The following MEOX2 variants were observed in gnomAD, a reference collection of about 807,000 sequenced individuals.
The protein encoded by MEOX2 is homeobox protein MOX-2.
A neutral mutation model predicts 27.0 loss-of-function variants in MEOX2; 11 were observed. The ratio of observed to expected loss-of-function variants is 0.41; its 90% CI spans 0.26 to 0.68. The LOEUF (loss-of-function observed/expected upper bound fraction) is 0.68. Ranked by LOEUF, MEOX2 falls within the 30% of genes least tolerant of loss-of-function variation. The probability of loss-of-function intolerance (pLI) is 0.33; values close to 1 mark genes in which losing one functional copy is unlikely to be tolerated. For missense variants in MEOX2, 436 were observed against 385.4 expected (o/e 1.13, Z -1.10); for synonymous variants, 189 against 155.4 (o/e 1.22, Z -1.61).
chr7:15,637,128 G>GT (rs1200205764), intron 1 of MEOX2, among the ~76,000 whole-genome samples: 3 of 152,010 alleles, frequency 2.0e-5, no homozygotes, highest in Non-Finnish European at 2.9e-5. Context: ...AGTCTGAAAT[G>GT]TTTTTTAAAA....
intron 1 of MEOX2, among the ~76,000 whole-genome samples, chr7:15,667,487 A>T (rs1782028316): frequency 6.6e-6 from 1 of 151,680 alleles, no homozygotes; most frequent in Non-Finnish European, 1.5e-5. Context: ...GCTTCCAGAA[A>T]CCTCAAGGTG....
intron 1 of MEOX2, among the ~76,000 whole-genome samples, chr7:15,645,214 T>G (rs913470889): frequency 2.0e-5 from 3 of 152,200 alleles, no homozygotes; most frequent in African/African-American, 7.2e-5. Context: ...AATCTGACAA[T>G]CAATTCACCA....
chr7:15,628,261 G>A (rs1781347031), intron 1 of MEOX2, among the ~76,000 whole-genome samples: 1 of 151,958 alleles, frequency 6.6e-6, no homozygotes, highest in South Asian at 2.1e-4. Context: ...AACTAAAGAG[G>A]ACCCTGCATA....
chr7:15,668,132 G>A (rs567317853), intron 1 of MEOX2: 1 of 152,174 alleles, frequency 6.6e-6, no homozygotes, highest in African/African-American at 2.4e-5. Flanking sequence ...TTGAACAACA[G>A]GGGGTGGAAA....
At chr7:15,652,944 GCA>G (rs547854077) in intron 1 of MEOX2, among the ~76,000 whole-genome samples, 32 of 152,084 alleles carry the variant, frequency 2.1e-4, no homozygotes, top group African/African-American at 7.7e-4. Context: ...GGATATTCAT[GCA>G]CAGATATTTG....
At chr7:15,666,901 A>C (rs1782016813) in intron 1 of MEOX2, among the ~76,000 whole-genome samples, 1 of 150,266 alleles carries the variant, frequency 6.7e-6, no homozygotes, top group Non-Finnish European at 1.5e-5. Context: ...TGAATTAAAT[A>C]TCCTTATTAC....
chr7:15,661,012 CAAAAAA>C (rs71004402), intron 1 of MEOX2, among the ~76,000 whole-genome samples: 48 of 44,330 alleles, frequency 1.1e-3, no homozygotes, highest in East Asian at 2.8e-3. Context: ...GACTCAGTCT[CAAAAAA>C]AAAAAAAAAA....
At chr7:15,645,474 G>GA (rs1445035950) in intron 1 of MEOX2, among the ~76,000 whole-genome samples, 1 of 152,050 alleles carries the variant, frequency 6.6e-6, no homozygotes, top group Non-Finnish European at 1.5e-5. Context: ...CCAGTGAAAA[G>GA]AAACACCAAA....
chr7:15,639,861 AG>A (rs1781533564), intron 1 of MEOX2, among the ~76,000 whole-genome samples: 1 of 152,158 alleles, frequency 6.6e-6, no homozygotes, highest in Non-Finnish European at 1.5e-5. Context: ...TGGTTACTAA[AG>A]CCTTCTAGTA....
chr7:15,686,132 T>C lies in MEOX2; in HGVS notation c.271A>G (p.Asn91Asp), dbSNP rs906709293. The C allele has an allele frequency of 2.5e-5, 40 of 1,583,492 alleles. No individual in the cohort carries two copies. Among genetic ancestry groups the C allele is most frequent in the Non-Finnish European group, 3.2e-5 (37 of 1,165,544 alleles). Residue 91 changes from asparagine (N) to aspartate (D), a missense_variant, in exon 1 of 3, where the codon AAC becomes GAC. Transcript: ENST00000262041. ...GAAGACATCTGCGGGAGGTGCCAGT[T>C]GGTTTGCAGAGCCTGGTGCTGCTGC... ...QQQQHQALQT[N>D]WHLPQMSSPP...
At chr7:15,668,992 T>C (rs1782054329) in intron 1 of MEOX2, among the ~76,000 whole-genome samples, 1 of 152,182 alleles carries the variant, frequency 6.6e-6, no homozygotes, top group Admixed American at 6.5e-5. Flanking sequence ...CTCCTTACTA[T>C]GTCCACGGAA....
At chr7:15,634,531 A>G (rs1781452622) in intron 1 of MEOX2, among the ~76,000 whole-genome samples, 1 of 152,028 alleles carries the variant, frequency 6.6e-6, no homozygotes, top group Non-Finnish European at 1.5e-5. Flanking sequence ...TCAACCAGAT[A>G]TCTGTAGTTT....
At chr7:15,672,657 C>T (rs777834306) in intron 1 of MEOX2, among the ~76,000 whole-genome samples, 1 of 151,880 alleles carries the variant, frequency 6.6e-6, no homozygotes, top group Non-Finnish European at 1.5e-5. Flanking sequence ...CTTTGGGAGG[C>T]CAAGGTGGGC....
intron 1 of MEOX2, among the ~76,000 whole-genome samples, chr7:15,666,608 C>T (rs1005387455): frequency 4.0e-5 from 6 of 151,188 alleles, no homozygotes; most frequent in East Asian, 3.9e-4. Context: ...AAAAATTAGC[C>T]GGGCGTTGTG....
intron 1 of MEOX2, among the ~76,000 whole-genome samples, chr7:15,667,289 CAAAA>C (rs532691969): frequency 0.015 from 632 of 40,968 alleles, 8 homozygotes; most frequent in Admixed American, 0.052. Context: ...GACTCTGTCT[CAAAA>C]AAAAAAAAAA....
rs1384731038 is a variant in MEOX2 at position 15,612,429 on chromosome 7, G to C, written c.873C>G (p.Asp291Glu). The stretch of plus-strand genomic sequence containing the variant: ...CTGAGCTGTGGTCACTGTCGTGACT[G>C]TCTTCATTTGCTATAGAGTCCCCTG... Reference protein sequence around the residue: ...QQTGDSIANEDSHDSDHSSEH... With the variant: ...QQTGDSIANEESHDSDHSSEH... Residue 291 changes from aspartate (D) to glutamate (E), a missense_variant, in exon 3 of 3, where the codon GAC (aspartate) becomes GAG (glutamate). Transcript: ENST00000262041. 1.2e-6 allele frequency: 2 copies of C among 1,614,184 alleles called. No homozygotes were observed. Among genetic ancestry groups the C allele is most frequent in the South Asian group, 2.2e-5 (2 of 91,092 alleles).
chr7:15,668,275 A>G (rs1782041326), intron 1 of MEOX2: 1 of 152,182 alleles, frequency 6.6e-6, no homozygotes, highest in Non-Finnish European at 1.5e-5. Flanking sequence ...CTTGATGATG[A>G]TCCACTTCCG....
At chr7:15,622,010 A>G (rs1781229585) in intron 2 of MEOX2, among the ~76,000 whole-genome samples, 1 of 152,070 alleles carries the variant, frequency 6.6e-6, no homozygotes, top group Admixed American at 6.6e-5. Context: ...CCCAGCTACC[A>G]GAGAGACTGA....
At chr7:15,635,626 T>G (rs1184873992) in intron 1 of MEOX2, among the ~76,000 whole-genome samples, 1 of 151,978 alleles carries the variant, frequency 6.6e-6, no homozygotes, top group Non-Finnish European at 1.5e-5. Context: ...CCTTAGCAAT[T>G]GAAAATTATG....
Sources: allele counts gnomAD v4.1 joint callset (sites outside exome capture counted in the v4.1 genomes callset), GRCh38; gene constraint gnomAD v4.1.1; transcripts MANE v1.5; gene names NCBI Gene and HGNC (gene_info 2026-07-23, HGNC 2026-07-21).